The following RASSF6 variants were observed in gnomAD, a reference collection of about 807,000 sequenced individuals.
RASSF6 encodes ras association domain-containing protein 6.
A neutral mutation model predicts 44.0 loss-of-function variants in RASSF6; 52 were observed. The observed-to-expected ratio is 1.18, with a 90% CI of 0.95 to 1.49. The LOEUF (loss-of-function observed/expected upper bound fraction) is 1.49. RASSF6 is among the 40% of genes most tolerant of loss of function. The pLI is 0.00. For synonymous variants in RASSF6, 162 were observed against 124.6 expected, an observed-to-expected ratio of 1.30 and a Z score of -2.00; for missense variants, 464 against 393.3, an observed-to-expected ratio of 1.18 and a Z score of -1.52.
intron 5 of RASSF6, among the ~76,000 whole-genome samples, chr4:73,587,172 C>A (rs911798887): frequency 6.6e-6 from 1 of 152,086 alleles, no homozygotes; most frequent in South Asian, 2.1e-4. Flanking sequence ...AGAGTCTCAT[C>A]AGATTACAGC....
At chr4:73,586,785 G>T (rs1528917) in intron 5 of RASSF6, among the ~76,000 whole-genome samples, 2 of 151,282 alleles carry the variant, frequency 1.3e-5, no homozygotes, top group African/African-American at 4.9e-5. Context: ...TGGAAGGGCC[G>T]ATATTTAACA....
At position 73,620,387 on chromosome 4, in the gene RASSF6, A is replaced by G; in HGVS notation, c.-134T>C. ...TCGGCTGGGTCAGGAACTCTGGTAG[A>G]GGGAAACCAGTGCCCTGTCTCTGCC... On this transcript the variant is annotated 5_prime_UTR_variant, in exon 1 of 11. Coordinates refer to ENST00000307439, the MANE Select transcript of RASSF6 (RefSeq NM_177532.5). 1.3e-6 allele frequency: 2 copies of G among 1,531,542 alleles called. No homozygotes were observed. Among genetic ancestry groups the G allele is most frequent in the Non-Finnish European group, 8.8e-7 (1 of 1,139,654 alleles). 94.9% of individuals were successfully genotyped at this position (1,531,542 alleles called of 1,614,324 possible).
At chr4:73,598,353 A>G (rs1163253436) in intron 3 of RASSF6, among the ~76,000 whole-genome samples, 1 of 152,222 alleles carries the variant, frequency 6.6e-6, no homozygotes, top group African/African-American at 2.4e-5. Context: ...CTTTCTATAT[A>G]CATTCTGACG....
At chr4:73,616,870 G>C (rs912158468) in intron 1 of RASSF6, among the ~76,000 whole-genome samples, 1 of 152,162 alleles carries the variant, frequency 6.6e-6, no homozygotes, top group African/African-American at 2.4e-5. Flanking sequence ...TCAAAGTTAT[G>C]ACCTGGAACC....
rs747343862 is a variant in RASSF6 at position 73,598,720 on chromosome 4, T to C, written c.66-2A>G. On this transcript the variant is annotated splice_acceptor_variant, in intron 2 of 10. Coordinates refer to ENST00000307439, the MANE Select transcript of RASSF6 (RefSeq NM_177532.5). LOFTEE classifies it high-confidence loss of function. The stretch of plus-strand genomic sequence containing the variant: ...TTCAATAAAGAATTAAGTTGTTCCC[T>C]AAAAATAAAAAAAAATTAATTACAA... 5 of 1,152,732 alleles carry C rather than the reference T, an allele frequency of 4.3e-6. No homozygotes were observed. The highest frequency in any genetic ancestry group is 7.2e-5 in the Admixed American group (2 of 27,820). The allele number at this position is 1,152,732 out of a possible 1,614,324, so 71.4% of individuals were successfully genotyped here.
At chr4:73,594,554 T>A (rs866601128) in intron 3 of RASSF6, among the ~76,000 whole-genome samples, 1 of 152,232 alleles carries the variant, frequency 6.6e-6, no homozygotes, top group Non-Finnish European at 1.5e-5. Flanking sequence ...GACATTATGA[T>A]AACCCCTAAT....
chr4:73,583,178 ACTC>A (rs1723805569), intron 6 of RASSF6, among the ~76,000 whole-genome samples: 3 of 152,010 alleles, frequency 2.0e-5, no homozygotes, highest in African/African-American at 7.2e-5. Context: ...ATGCCCACGA[ACTC>A]CAACTTTGTC....
At chr4:73,581,777 A>C in intron 8 of RASSF6, 40 bp downstream of exon 8, 1 of 1,402,318 alleles carries the variant, frequency 7.1e-7, no homozygotes, top group South Asian at 1.2e-5. Context: ...AAACTGTAGC[A>C]CTCTAGAGTC....
At chr4:73,607,100 C>T (rs547112126) in intron 2 of RASSF6, among the ~76,000 whole-genome samples, 1 of 152,196 alleles carries the variant, frequency 6.6e-6, no homozygotes, top group East Asian at 1.9e-4. Context: ...AATAAGCAAA[C>T]TCCTTGCTGC....
rs1243670056 is a variant in RASSF6 at position 73,593,588 on chromosome 4, T to C, written c.150A>G (p.Glu50=). Residue 50 remains glutamate (E), a synonymous_variant, in exon 4 of 11, where the codon GAA becomes GAG. Transcript: ENST00000307439. ...TTCCTTCAACAATTAGTTTGCCATC[T>C]TCAGTCTAAGGAAGAAATGAATAAT... ...KNLHILYGET[E]DGKLIVEGML... is the part of the protein sequence containing the mutation. The C allele has an allele frequency of 6.2e-7, 1 of 1,613,310 alleles. No homozygotes were observed. Among genetic ancestry groups the C allele is most frequent in the Non-Finnish European group, 8.5e-7 (1 of 1,179,732 alleles).
intron 8 of RASSF6, among the ~76,000 whole-genome samples, chr4:73,581,562 A>G (rs1266131577): frequency 1.3e-5 from 2 of 152,218 alleles, no homozygotes; most frequent in African/African-American, 4.8e-5. Flanking sequence ...TTTGATCTCC[A>G]TTTAGATAAT....
chr4:73,581,060 T>C (rs1185858051), intron 8 of RASSF6, among the ~76,000 whole-genome samples: 1 of 150,696 alleles, frequency 6.6e-6, no homozygotes, highest in Admixed American at 6.6e-5. Flanking sequence ...TTATAAGAAC[T>C]TTAATTTTAT....
In RASSF6 at chr4:73,576,701, G is replaced by A. The variant is rs141700472; in HGVS notation, c.752C>T (p.Pro251Leu). 147 of 1,611,856 alleles carry A rather than the reference G, an allele frequency of 9.1e-5. No homozygotes were observed. The highest frequency in any genetic ancestry group is 1.1e-4 in the Non-Finnish European group (128 of 1,178,488). Residue 251 changes from proline (P) to leucine (L), a missense_variant, in exon 9 of 11, where the codon CCG becomes CTG. Coordinates refer to ENST00000307439, the MANE Select transcript of RASSF6 (RefSeq NM_177532.5). ...TCCCTGTAGGAGCCTCTGCAGTAGC[G>A]GAATGTCTGTCTTCTTTAGTCGTCT... The part of the protein sequence containing the change: ...EQRRLKKTDI[P>L]LLQRLLQGPS...
intron 3 of RASSF6, among the ~76,000 whole-genome samples, chr4:73,596,159 A>G (rs554806568): frequency 1.3e-5 from 2 of 152,070 alleles, no homozygotes; most frequent in Non-Finnish European, 2.9e-5. Context: ...CTTTTGAAGA[A>G]ATAAAGGACG....
chr4:73,588,077 T>C (rs1386024314), intron 4 of RASSF6, 143 bp from the exon 5 acceptor site: 5 of 482,102 alleles, frequency 1.0e-5, no homozygotes, highest in African/African-American at 7.7e-5. Context: ...AATTTTATGA[T>C]ATTATTAAAA....
chr4:73,601,978 AG>A (rs1347170130), intron 2 of RASSF6, among the ~76,000 whole-genome samples: 2 of 152,246 alleles, frequency 1.3e-5, no homozygotes, highest in African/African-American at 4.8e-5. Flanking sequence ...TTTAAGGAAT[AG>A]ATGTTGCCTA....
chr4:73,582,366 C>T (rs1476302535), intron 6 of RASSF6, 76 bp from the exon 7 acceptor site: 1 of 599,438 alleles, frequency 1.7e-6, no homozygotes, highest in East Asian at 3.1e-5. Flanking sequence ...ACATAATCTT[C>T]TTATAGGGCA....
In RASSF6 at chr4:73,598,649, T is replaced by C; in HGVS notation, c.135A>G (p.Leu45=). 1.3e-6 allele frequency: 2 copies of C among 1,528,862 alleles called. No homozygotes were observed. Among genetic ancestry groups the C allele is most frequent in the Non-Finnish European group, 1.8e-6 (2 of 1,116,816 alleles). The allele number at this position is 1,528,862 out of a possible 1,614,324, so 94.7% of individuals were successfully genotyped here. Residue 45 remains leucine (L), a synonymous_variant, in exon 3 of 11, where the codon TTA becomes TTG. Coordinates refer to ENST00000307439, the MANE Select transcript of RASSF6 (RefSeq NM_177532.5). ...FYENQKNLHI[L]YGETEDGKLI... ...TCTTCAGTGGGCTTACCTCTCCATA[T>C]AAAATATGCAGATTTTTCTGGTTCT... is the stretch of plus-strand genomic sequence containing the variant.
At chr4:73,608,894 G>T (rs563302001) in intron 2 of RASSF6, among the ~76,000 whole-genome samples, 4 of 152,328 alleles carry the variant, frequency 2.6e-5, no homozygotes, top group African/African-American at 9.6e-5. Context: ...CTGGAACACT[G>T]GCTCTTTGTG....
Sources: allele counts gnomAD v4.1 joint callset (sites outside exome capture counted in the v4.1 genomes callset), GRCh38; gene constraint gnomAD v4.1.1; transcripts MANE v1.5; gene names NCBI Gene and HGNC (gene_info 2026-07-23, HGNC 2026-07-21).